SH3KBP1: variants seen among roughly 807,000 people sequenced by gnomAD.
SH3KBP1 encodes the protein SH3 domain-containing kinase-binding protein 1.
SH3KBP1 carries 8 observed loss-of-function variants against 50.1 expected under a neutral mutation model. That is an observed-to-expected ratio of 0.16 (90% confidence interval 0.09 to 0.29). The LOEUF (loss-of-function observed/expected upper bound fraction) is 0.29, where lower values mean the gene tolerates loss of function less well. Ranked by LOEUF, SH3KBP1 falls within the 10% of genes least tolerant of loss-of-function variation. The probability of loss-of-function intolerance (pLI) is 1.00; values close to 1 mark genes in which losing one functional copy is unlikely to be tolerated. For synonymous variants in SH3KBP1, 227 were observed against 218.6 expected, an observed-to-expected ratio of 1.04 and a Z score of -0.34; for missense variants, 377 against 535.2, an observed-to-expected ratio of 0.70 and a Z score of 2.92.
rs549053636 is a variant in SH3KBP1, at chrX:19,695,819, G to A, written c.391-78C>T. 1,061 of 1,008,704 alleles carry A rather than the reference G, an allele frequency of 1.1e-3. 7 individuals are homozygous for A. In the South Asian group the frequency reaches 0.02, roughly 19 times the overall value. 83.1% of individuals were successfully genotyped at this position (1,008,704 alleles called of 1,213,427 possible). A position where few individuals can be genotyped will look rare whatever the true frequency, so the allele number is the denominator to read the frequency against. On this transcript the variant is annotated intron_variant, in intron 4 of 17. Coordinates refer to ENST00000397821, the MANE Select transcript of SH3KBP1 (RefSeq NM_031892.3). ...TGGTTTCCAATTTTGCCTCCCATATGTATAGTGTAGCATGCAGAGCCCACA... is the reference window on the plus strand; with the variant it reads ...TGGTTTCCAATTTTGCCTCCCATATATATAGTGTAGCATGCAGAGCCCACA...
intron 2 of SH3KBP1, among the ~76,000 whole-genome samples, chrX:19,748,619 G>A (rs182143043): frequency 1.8e-5 from 2 of 111,899 alleles, no homozygotes; most frequent in Non-Finnish European, 3.8e-5. Context: ...GCTTCTTTAG[G>A]TGGAAGCAGG....
rs750894964 is a variant in SH3KBP1 at position 19,674,119 on chromosome X, T to C, written c.726+9704A>G. 6.3e-5 allele frequency among the ~76,000 whole-genome samples: 7 copies of C among 111,740 alleles called. No individual in the cohort carries two copies. In the South Asian group the frequency reaches 2.6e-3, roughly 42 times the overall value. On this transcript the variant is annotated intron_variant, in intron 6 of 17. Coordinates refer to ENST00000397821, the MANE Select transcript of SH3KBP1 (RefSeq NM_031892.3). ...CTTACATTATAATGACTTTTATACA[T>C]ACCCCCTTTCTCTCCAATGTAGGGA... is the stretch of plus-strand genomic sequence containing the variant.
At chrX:19,826,525 TA>T (rs375328385) in intron 2 of SH3KBP1, among the ~76,000 whole-genome samples, 42 of 101,145 alleles carry the variant, frequency 4.2e-4, no homozygotes, top group Admixed American at 6.4e-4. Flanking sequence ...ACAAAAAATT[TA>T]AAAAAAAAAA....
At chrX:19,831,613 G>A (rs1416834385) in intron 2 of SH3KBP1, among the ~76,000 whole-genome samples, 7 of 106,256 alleles carry the variant, frequency 6.6e-5, no homozygotes, top group African/African-American at 2.4e-4. Flanking sequence ...CCAACATGGA[G>A]AAACCCCGTC....
At chrX:19,763,103 C>A (rs1008328654) in intron 2 of SH3KBP1, among the ~76,000 whole-genome samples, 1 of 111,624 alleles carries the variant, frequency 9.0e-6, no homozygotes, top group African/African-American at 3.3e-5. Context: ...AAGTCCTCTG[C>A]GATTACAAAC....
intron 2 of SH3KBP1, among the ~76,000 whole-genome samples, chrX:19,797,270 G>A (rs1483216961): frequency 8.9e-6 from 1 of 111,820 alleles, no homozygotes; most frequent in African/African-American, 3.3e-5. Flanking sequence ...TGGCCCTGGA[G>A]GGCTGCTCAG....
intron 13 of SH3KBP1, among the ~76,000 whole-genome samples, chrX:19,550,718 T>C (rs1263641046): frequency 9.0e-6 from 1 of 110,827 alleles, no homozygotes; most frequent in African/African-American, 3.3e-5. Context: ...GATGCTACTG[T>C]GTAAGGACAG....
intron 2 of SH3KBP1, among the ~76,000 whole-genome samples, chrX:19,762,473 C>T (rs1299920038): frequency 9.1e-6 from 1 of 110,225 alleles, no homozygotes; most frequent in Non-Finnish European, 1.9e-5. Flanking sequence ...ACTGGCTCAA[C>T]CAGTTGTGCG....
At chrX:19,596,891 T>C (rs764686941) in intron 9 of SH3KBP1, among the ~76,000 whole-genome samples, 4 of 112,138 alleles carry the variant, frequency 3.6e-5, no homozygotes, top group Non-Finnish European at 7.5e-5. Flanking sequence ...CATCTGCAGT[T>C]ACTTCCTCCA....
chrX:19,615,356 G>A (rs1202647040), intron 8 of SH3KBP1, among the ~76,000 whole-genome samples: 2 of 112,242 alleles, frequency 1.8e-5, no homozygotes, highest in Non-Finnish European at 3.8e-5. Flanking sequence ...CAATTTCCCA[G>A]AAGTTATCCA....
chrX:19,761,293 AAG>A (rs1308949878), intron 2 of SH3KBP1, among the ~76,000 whole-genome samples: 4 of 77,651 alleles, frequency 5.2e-5, no homozygotes, highest in African/African-American at 1.0e-4. Flanking sequence ...GGGAGAGAGA[AAG>A]AGAGAGAGGG....
chrX:19,639,194 G>A (rs754242191), intron 7 of SH3KBP1, among the ~76,000 whole-genome samples: 2 of 111,439 alleles, frequency 1.8e-5, no homozygotes, highest in African/African-American at 3.3e-5. Context: ...GTCTGTCAAC[G>A]CCAACCCAGT....
chrX:19,702,113 A>T (rs1376753663), intron 4 of SH3KBP1, among the ~76,000 whole-genome samples: 1 of 112,458 alleles, frequency 8.9e-6, no homozygotes, highest in Non-Finnish European at 1.9e-5. Flanking sequence ...CAATAAGCAG[A>T]TATTTTATAT....
At chrX:19,628,027 G>A (rs186070490) in intron 8 of SH3KBP1, among the ~76,000 whole-genome samples, 65 of 112,352 alleles carry the variant, frequency 5.8e-4, no homozygotes, top group Non-Finnish European at 1.0e-3. Flanking sequence ...ACTTCTGGGC[G>A]ATTCCTAACT....
intron 1 of SH3KBP1, among the ~76,000 whole-genome samples, chrX:19,844,504 C>T (rs1363726022): frequency 8.9e-6 from 1 of 112,076 alleles, no homozygotes; most frequent in Admixed American, 9.5e-5. Context: ...GTCCAGGCCT[C>T]TCAAGTTACT....
At chrX:19,767,953 T>C (rs2065672731) in intron 2 of SH3KBP1, among the ~76,000 whole-genome samples, 1 of 110,763 alleles carries the variant, frequency 9.0e-6, no homozygotes, top group Admixed American at 9.7e-5. Flanking sequence ...GTTAATTTGC[T>C]CTGAACCCAG....
intron 2 of SH3KBP1, among the ~76,000 whole-genome samples, chrX:19,758,327 CAA>C (rs60332447): frequency 8.0e-5 from 3 of 37,669 alleles, no homozygotes; most frequent in Non-Finnish European, 2.0e-4. Context: ...GACTTCGTTT[CAA>C]AAAAAAAAAA....
chrX:19,573,859 C>T (rs2066117992), intron 12 of SH3KBP1, among the ~76,000 whole-genome samples: 1 of 111,391 alleles, frequency 9.0e-6, no homozygotes, highest in Non-Finnish European at 1.9e-5. Context: ...GTTCATCACC[C>T]GTGTGACCTT....
chrX:19,853,507 C>A (rs1204172454), intron 1 of SH3KBP1, among the ~76,000 whole-genome samples: 3 of 110,864 alleles, frequency 2.7e-5, no homozygotes, highest in Non-Finnish European at 3.8e-5. Flanking sequence ...GCACACCCTG[C>A]GAGGATATGT....
Sources: gnomAD v4.1 joint callset for allele counts (sites outside exome capture counted in the v4.1 genomes callset) on GRCh38, gnomAD v4.1.1 for gene constraint, MANE v1.5 for transcripts, NCBI Gene and HGNC (gene_info 2026-07-23, HGNC 2026-07-21) for gene names.